The following MGAT4C variants were observed in gnomAD, a reference collection of about 807,000 sequenced individuals.
The protein encoded by MGAT4C is MGAT4 family member C.
Under a neutral mutation model 40.1 loss-of-function variants are expected in MGAT4C, and 19 were observed. That is an observed-to-expected ratio of 0.47 (90% CI 0.33 to 0.70). MGAT4C has a LOEUF of 0.70. Ranked by LOEUF, MGAT4C falls within the 30% of genes least tolerant of loss-of-function variation. The pLI is 0.02. For synonymous variants in MGAT4C, 181 were observed against 187.1 expected (o/e 0.97, Z 0.27); for missense variants, 491 against 563.2 (o/e 0.87, Z 1.30).
At chr12:86,627,765 G>A (rs1962869582) in intron 2 of MGAT4C, among the ~76,000 whole-genome samples, 1 of 152,152 alleles carries the variant, frequency 6.6e-6, no homozygotes, top group Non-Finnish European at 1.5e-5. Context: ...ACCAAAGGTA[G>A]ATAAAACCAC....
intron 1 of MGAT4C, among the ~76,000 whole-genome samples, chr12:86,223,768 A>T (rs1461441470): frequency 6.6e-6 from 1 of 151,718 alleles, no homozygotes; most frequent in Admixed American, 6.6e-5. Flanking sequence ...TCCTTCTAAC[A>T]CTCCTTCTAA....
At chr12:86,014,187 C>T (rs1265142173) in intron 2 of MGAT4C, among the ~76,000 whole-genome samples, 3 of 152,192 alleles carry the variant, frequency 2.0e-5, no homozygotes, top group African/African-American at 7.2e-5. Flanking sequence ...TGAGTTCTCA[C>T]TGCCATAATC....
rs1211655578 is a variant in MGAT4C at position 85,977,901 on chromosome 12, A to G, written c.*1388T>C. 2 of 151,104 alleles carry G rather than the reference A, an allele frequency of 1.3e-5. No individual in the cohort carries two copies. Among genetic ancestry groups the G allele is most frequent in the Non-Finnish European group, 3.0e-5 (2 of 67,538 alleles). 9.4% of individuals were successfully genotyped at this position (151,104 alleles called of 1,614,324 possible). On this transcript the variant is annotated 3_prime_UTR_variant, in exon 5 of 5. Coordinates refer to ENST00000611864, the MANE Select transcript of MGAT4C (RefSeq NM_001351288.2). ...TATGAAGCACCTTCCATTTCCCTTT[A>G]TAATAAATCCCTTAGTTTTTGCTGT... is the stretch of plus-strand genomic sequence containing the variant.
In MGAT4C at chr12:86,302,959, T is replaced by C. The variant is rs183860293; in HGVS notation, c.-57+31106A>G. On this transcript the variant is annotated intron_variant, in intron 4 of 7. Transcript: ENST00000548651. ...CAAGTTTTACCTTGAGGAAAGGAAT[T>C]CAGGGTCTAACTCTTCCCGCACATT... 1.2e-3 allele frequency among the ~76,000 whole-genome samples: 176 copies of C among 150,766 alleles called. 2 individuals are homozygous for C. Among genetic ancestry groups the C allele is most frequent in the Non-Finnish European group, 1.9e-3 (128 of 68,020 alleles).
At chr12:86,010,690 AAACC>A (rs147322575) in intron 2 of MGAT4C, among the ~76,000 whole-genome samples, 24,116 of 98,566 alleles carry the variant, frequency 0.24, 2,267 homozygotes, top group Middle Eastern at 0.37. Context: ...ACAAACAAAC[AAACC>A]AACAAACAAA....
chr12:86,108,654 T>C lies in MGAT4C; in HGVS notation c.-56-58931A>G, dbSNP rs148395437. 5.1e-3 allele frequency among the ~76,000 whole-genome samples: 769 copies of C among 152,200 alleles called. 3 individuals are homozygous for C. The highest frequency in any genetic ancestry group is 0.01 in the Middle Eastern group (3 of 294). On this transcript the variant is annotated intron_variant, in intron 1 of 4. Transcript: ENST00000611864. ...TTGGGTGACTTCGTGTCCTGAAAAATCCTTTTGACATATAGGGCCTAATTG... is the reference window on the plus strand; with the variant it reads ...TTGGGTGACTTCGTGTCCTGAAAAACCCTTTTGACATATAGGGCCTAATTG...
At position 86,539,436 on chromosome 12, in the gene MGAT4C, G is replaced by C. The variant is rs1959134894; in HGVS notation, c.-228-104171C>G. 3.9e-5 allele frequency among the ~76,000 whole-genome samples: 6 copies of C among 152,110 alleles called. 1 individual carries two copies. The South Asian group carries it at 1.2e-3, about 32-fold the overall frequency. ...TCCAATCTATCATTGATGGACATTT[G>C]GGTTGGTTCCAAGTCTTTGCCATTG... is the stretch of plus-strand genomic sequence containing the variant. On this transcript the variant is annotated intron_variant, in intron 2 of 7. Coordinates refer to the MGAT4C transcript ENST00000548651.
chr12:86,201,094 G>A (rs866201970), intron 1 of MGAT4C, among the ~76,000 whole-genome samples: 1 of 152,214 alleles, frequency 6.6e-6, no homozygotes, highest in South Asian at 2.1e-4. Context: ...GAAAGCCCTA[G>A]TAGACTAATA....
At chr12:85,993,619 AC>A (rs1886247777) in intron 2 of MGAT4C, among the ~76,000 whole-genome samples, 1 of 152,164 alleles carries the variant, frequency 6.6e-6, no homozygotes, top group South Asian at 2.1e-4. Context: ...TGAGTTAATC[AC>A]ACAGGTGGCC....
chr12:86,814,748 C>A (rs1952567560), intron 1 of MGAT4C, among the ~76,000 whole-genome samples: 1 of 151,794 alleles, frequency 6.6e-6, no homozygotes, highest in African/African-American at 2.4e-5. Flanking sequence ...GGGATGAGTG[C>A]CCTTATAAAA....
intron 2 of MGAT4C, among the ~76,000 whole-genome samples, chr12:86,573,679 C>T (rs977753461): frequency 1.3e-5 from 2 of 151,906 alleles, no homozygotes; most frequent in Non-Finnish European, 2.9e-5. Flanking sequence ...TATGTGTTCA[C>T]TAAATGTGGT....
chr12:86,488,324 G>T (rs905448611), intron 2 of MGAT4C, among the ~76,000 whole-genome samples: 1 of 151,514 alleles, frequency 6.6e-6, no homozygotes, highest in South Asian at 2.1e-4. Flanking sequence ...TACTCCAGGA[G>T]GCTGAGGCAA....
upstream of MGAT4C, among the ~76,000 whole-genome samples, chr12:86,260,861 A>C (rs1048877448): frequency 1.3e-5 from 2 of 151,980 alleles, no homozygotes; most frequent in Non-Finnish European, 2.9e-5. Context: ...CTCAAGGGAC[A>C]AATTTTTCCC....
chr12:86,582,912 T>C (rs1042152921), intron 2 of MGAT4C, among the ~76,000 whole-genome samples: 2 of 151,262 alleles, frequency 1.3e-5, no homozygotes, highest in African/African-American at 2.4e-5. Context: ...TTTAAGAATA[T>C]AATTTTCTTA....
chr12:86,801,654 T>A (rs1443691895), intron 1 of MGAT4C, among the ~76,000 whole-genome samples: 1 of 151,818 alleles, frequency 6.6e-6, no homozygotes, highest in Non-Finnish European at 1.5e-5. Flanking sequence ...CTCCTGCTTA[T>A]AAAGTTGGAA....
chr12:86,148,960 C>A (rs1438013666), intron 1 of MGAT4C, among the ~76,000 whole-genome samples: 3 of 151,976 alleles, frequency 2.0e-5, no homozygotes, highest in Non-Finnish European at 4.4e-5. Context: ...ATTTTATGAA[C>A]AATTATTGAA....
At chr12:86,248,846 G>A (rs997880183) in intron 1 of MGAT4C, among the ~76,000 whole-genome samples, 2 of 151,960 alleles carry the variant, frequency 1.3e-5, no homozygotes, top group African/African-American at 4.8e-5. Context: ...TAAATTTCTG[G>A]GAGACAGCCT....
At chr12:86,763,721 C>A (rs1334542862) in intron 1 of MGAT4C, among the ~76,000 whole-genome samples, 1 of 152,044 alleles carries the variant, frequency 6.6e-6, no homozygotes, top group Admixed American at 6.6e-5. Flanking sequence ...AACACACACA[C>A]AAATGTGTGT....
chr12:86,805,198 A>C (rs1952326731), intron 1 of MGAT4C, among the ~76,000 whole-genome samples: 1 of 151,762 alleles, frequency 6.6e-6, no homozygotes, highest in Non-Finnish European at 1.5e-5. Context: ...TTGAACAACT[A>C]TTTCTTTCTT....
Sources: allele counts gnomAD v4.1 joint callset (sites outside exome capture counted in the v4.1 genomes callset), GRCh38; gene constraint gnomAD v4.1.1; transcripts MANE v1.5; gene names NCBI Gene and HGNC (gene_info 2026-07-23, HGNC 2026-07-21).